NLGN1: variants seen among roughly 807,000 people sequenced by gnomAD.
NLGN1 encodes the protein neuroligin-1.
A neutral mutation model predicts 65.5 loss-of-function variants in NLGN1; 12 were observed. The observed-to-expected ratio is 0.18, with a 90% CI of 0.12 to 0.30. The LOEUF (loss-of-function observed/expected upper bound fraction) is 0.30, where lower values mean the gene tolerates loss of function less well. NLGN1 is among the 10% of genes least tolerant of loss of function. The pLI, the probability that NLGN1 is intolerant of heterozygous loss-of-function variation, is 1.00. For missense variants in NLGN1, 750 were observed against 1,007.1 expected, an observed-to-expected ratio of 0.74 and a Z score of 3.46; for synonymous variants, 350 against 359.5, an observed-to-expected ratio of 0.97 and a Z score of 0.30.
At chr3:173,638,546 G>A (rs1445072118) in intron 3 of NLGN1, among the ~76,000 whole-genome samples, 3 of 152,006 alleles carry the variant, frequency 2.0e-5, no homozygotes, top group Non-Finnish European at 4.4e-5. Flanking sequence ...GAGCATGTGA[G>A]GTCAGGTTGC....
chr3:173,614,411 G>A (rs1752745731), intron 3 of NLGN1, among the ~76,000 whole-genome samples: 1 of 151,996 alleles, frequency 6.6e-6, no homozygotes, highest in Non-Finnish European at 1.5e-5. Flanking sequence ...ATGTTCTGTG[G>A]AGGATCTCTA....
intron 1 of NLGN1, among the ~76,000 whole-genome samples, chr3:173,419,972 A>AAAAATAAAATAAAAT (rs750740710): frequency 0.019 from 2,676 of 142,682 alleles, 89 homozygotes; most frequent in African/African-American, 0.066. Context: ...ACTCAGTCTC[A>AAAAATAAAATAAAAT]AAAATAAAAT....
At chr3:173,707,203 A>G (rs1215374558) in intron 3 of NLGN1, among the ~76,000 whole-genome samples, 1 of 152,198 alleles carries the variant, frequency 6.6e-6, no homozygotes, top group African/African-American at 2.4e-5. Flanking sequence ...TGGTGTAGGT[A>G]CTAAGCCAGT....
At chr3:173,720,291 G>A (rs765137657) in intron 3 of NLGN1, among the ~76,000 whole-genome samples, 4 of 152,086 alleles carry the variant, frequency 2.6e-5, no homozygotes, top group African/African-American at 4.8e-5. Flanking sequence ...CCGGCGGGGT[G>A]AGAATTGTCT....
intron 3 of NLGN1, chr3:173,800,162 G>T (rs1715132676): frequency 4.9e-6 from 1 of 203,054 alleles, no homozygotes; most frequent in South Asian, 8.4e-5. Flanking sequence ...ATTATGATGT[G>T]ACCACTTCCC....
At chr3:173,662,866 A>G (rs1020659752) in intron 3 of NLGN1, among the ~76,000 whole-genome samples, 7 of 152,010 alleles carry the variant, frequency 4.6e-5, no homozygotes, top group African/African-American at 1.7e-4. Context: ...CCTGCCCAAA[A>G]TGTCAACAGT....
intron 3 of NLGN1, among the ~76,000 whole-genome samples, chr3:173,667,029 A>G (rs1437953673): frequency 6.6e-6 from 1 of 152,176 alleles, no homozygotes; most frequent in African/African-American, 2.4e-5. Context: ...AAACATAATC[A>G]CATTGTACTT....
At chr3:173,726,462 T>A (rs1163765535) in intron 3 of NLGN1, among the ~76,000 whole-genome samples, 2 of 152,048 alleles carry the variant, frequency 1.3e-5, no homozygotes, top group African/African-American at 2.4e-5. Context: ...GAAAATGGTA[T>A]AAAATATTTT....
At chr3:174,094,439 C>CT (rs201306995) in intron 4 of NLGN1, among the ~76,000 whole-genome samples, 191 of 144,250 alleles carry the variant, frequency 1.3e-3, no homozygotes, top group Middle Eastern at 3.6e-3. Context: ...AATTCGTAAA[C>CT]TTTTTTTTTT....
intron 2 of NLGN1, among the ~76,000 whole-genome samples, chr3:173,543,055 A>T (rs1739162096): frequency 6.6e-6 from 1 of 152,098 alleles, no homozygotes; most frequent in Admixed American, 6.6e-5. Context: ...CATTTTATCT[A>T]GCTCTTTTGT....
chr3:173,726,765 GACA>G (rs1771857637), intron 3 of NLGN1, among the ~76,000 whole-genome samples: 1 of 151,924 alleles, frequency 6.6e-6, no homozygotes, highest in Non-Finnish European at 1.5e-5. Context: ...TTTTAAAACA[GACA>G]ACAAGTGTTG....
chr3:173,959,998 A>T (rs188484476), intron 4 of NLGN1, among the ~76,000 whole-genome samples: 3 of 152,200 alleles, frequency 2.0e-5, no homozygotes, highest in Admixed American at 2.0e-4. Context: ...TGAGATTTGT[A>T]TATCAGATTA....
chr3:173,554,048 A>T (rs1449748106), intron 2 of NLGN1, among the ~76,000 whole-genome samples: 1 of 152,202 alleles, frequency 6.6e-6, no homozygotes, highest in Non-Finnish European at 1.5e-5. Flanking sequence ...TTATCTTTGT[A>T]ATAGCAGTTG....
intron 2 of NLGN1, among the ~76,000 whole-genome samples, chr3:173,548,597 A>G (rs776113456): frequency 8.6e-5 from 13 of 151,978 alleles, no homozygotes; most frequent in Admixed American, 2.0e-4. Flanking sequence ...TCTGAAGGAA[A>G]ATACAGTATG....
intron 3 of NLGN1, among the ~76,000 whole-genome samples, chr3:173,676,321 G>T (rs906288242): frequency 6.6e-6 from 1 of 152,000 alleles, no homozygotes; most frequent in Non-Finnish European, 1.5e-5. Flanking sequence ...AGGGCCAGAT[G>T]GAAATTGGAA....
At chr3:173,720,590 C>T (rs1770672969) in intron 3 of NLGN1, among the ~76,000 whole-genome samples, 1 of 152,156 alleles carries the variant, frequency 6.6e-6, no homozygotes, top group Non-Finnish European at 1.5e-5. Context: ...TTTCATTATA[C>T]CATACCTTAT....
chr3:173,570,436 C>G (rs766300953), intron 2 of NLGN1, among the ~76,000 whole-genome samples: 1 of 152,176 alleles, frequency 6.6e-6, no homozygotes, highest in Non-Finnish European at 1.5e-5. Flanking sequence ...ACCATGTGAT[C>G]TGGGAGACAC....
chr3:173,405,181 G>A (rs148664349), intron 1 of NLGN1, among the ~76,000 whole-genome samples: 1 of 152,016 alleles, frequency 6.6e-6, no homozygotes, highest in African/African-American at 2.4e-5. Context: ...AGGGCTCCGC[G>A]ATTGTCTCCA....
intron 2 of NLGN1, among the ~76,000 whole-genome samples, chr3:173,526,245 AC>A (rs1444476780): frequency 2.0e-5 from 3 of 151,478 alleles, no homozygotes; most frequent in African/African-American, 4.9e-5. Flanking sequence ...AAACCTCGGT[AC>A]TCCTACGTTG....
Sources: allele counts gnomAD v4.1 joint callset (sites outside exome capture counted in the v4.1 genomes callset), GRCh38; gene constraint gnomAD v4.1.1; transcripts MANE v1.5; gene names NCBI Gene and HGNC (gene_info 2026-07-23, HGNC 2026-07-21).